The following ME3 variants were observed in gnomAD, a reference collection of about 807,000 sequenced individuals.
ME3 encodes malic enzyme 3.
Under a neutral mutation model 68.9 loss-of-function variants are expected in ME3, and 48 were observed. The observed-to-expected ratio is 0.70, with a 90% confidence interval of 0.55 to 0.89. The LOEUF (loss-of-function observed/expected upper bound fraction) is 0.89. ME3 is among the 40% of genes least tolerant of loss of function. The pLI, the probability that ME3 is intolerant of heterozygous loss-of-function variation, is 0.00. For missense variants in ME3, 675 were observed against 797.4 expected, an observed-to-expected ratio of 0.85 and a Z score of 1.85; for synonymous variants, 320 against 318.8, an observed-to-expected ratio of 1.00 and a Z score of -0.04.
At chr11:86,513,439 A>G (rs926803336) in intron 4 of ME3, among the ~76,000 whole-genome samples, 12 of 152,192 alleles carry the variant, frequency 7.9e-5, no homozygotes, top group Non-Finnish European at 1.5e-4. Flanking sequence ...CAAAGACTTT[A>G]TTTTATAAAT....
At chr11:86,442,857 G>T in exon 14 of ME3, 1 of 1,613,550 alleles carries the variant, frequency 6.2e-7, no homozygotes, top group Non-Finnish European at 8.5e-7. Context: ...CTCGGATGGT[G>T]CTGAGTGGTG....
chr11:86,540,780 C>T (rs1404606834), intron 4 of ME3, among the ~76,000 whole-genome samples: 1 of 152,182 alleles, frequency 6.6e-6, no homozygotes, highest in Non-Finnish European at 1.5e-5. Flanking sequence ...TGATCCTTTA[C>T]TCTTCCTCTA....
chr11:86,549,253 G>C lies in ME3; in HGVS notation c.467+7300C>G, dbSNP rs577019863. Among the ~76,000 whole-genome samples the C allele has an allele frequency of 3.9e-5, 6 of 152,244 alleles. No individual in the cohort carries two copies. The South Asian group carries it at 1.2e-3, about 32-fold the overall frequency. The stretch of plus-strand genomic sequence containing the variant: ...GTGTCTATTGTAAAGTTTTGACCAG[G>C]AACTGGAATGGAAAGCTGTCATGAA... On this transcript the variant is annotated intron_variant, in intron 4 of 14. Transcript: ENST00000543262.
At chr11:86,503,610 C>T (rs558449366) in intron 5 of ME3, among the ~76,000 whole-genome samples, 14 of 152,342 alleles carry the variant, frequency 9.2e-5, no homozygotes, top group African/African-American at 2.9e-4. Flanking sequence ...CTCCCTAATA[C>T]GTCTCTGAGA....
chr11:86,453,163 T>C (rs1305420790), intron 8 of ME3, among the ~76,000 whole-genome samples: 3 of 152,116 alleles, frequency 2.0e-5, no homozygotes, highest in African/African-American at 7.2e-5. Flanking sequence ...CATGCCCAGC[T>C]AATTTTTTGT....
chr11:86,555,144 A>AAGGCATGGAGAAGAAGAG, intron 4 of ME3, among the ~76,000 whole-genome samples: 1 of 152,218 alleles, frequency 6.6e-6, no homozygotes, highest in East Asian at 1.9e-4. Context: ...GAAGAACATC[A>AAGGCATGGAGAAGAAGAG]GTGTACTTGG....
At chr11:86,667,026 C>A (rs1461076955) in intron 2 of ME3, among the ~76,000 whole-genome samples, 9 of 152,204 alleles carry the variant, frequency 5.9e-5, no homozygotes, top group African/African-American at 2.2e-4. Context: ...CAGCTGAAAT[C>A]TGTGCAGTCT....
intron 4 of ME3, among the ~76,000 whole-genome samples, chr11:86,511,269 C>T (rs1269076601): frequency 1.3e-5 from 2 of 152,150 alleles, no homozygotes; most frequent in Non-Finnish European, 2.9e-5. Context: ...GAATAAAGAC[C>T]AAAGTCCTCA....
intron 7 of ME3, among the ~76,000 whole-genome samples, chr11:86,476,175 C>T (rs1422380357): frequency 5.9e-5 from 9 of 152,206 alleles, no homozygotes; most frequent in Non-Finnish European, 1.3e-4. Context: ...TTCTAACATC[C>T]TGTCTTGTAC....
chr11:86,614,298 G>T (rs140895361), intron 2 of ME3, among the ~76,000 whole-genome samples: 241 of 152,286 alleles, frequency 1.6e-3, no homozygotes, highest in African/African-American at 5.5e-3. Flanking sequence ...TTACAACACT[G>T]GAGACTGCAA....
At chr11:86,584,597 G>T (rs1958628111) in intron 2 of ME3, among the ~76,000 whole-genome samples, 1 of 152,138 alleles carries the variant, frequency 6.6e-6, no homozygotes, top group African/African-American at 2.4e-5. Context: ...ACATAAAATG[G>T]AATATTATTC....
chr11:86,523,646 C>T (rs747484044), intron 4 of ME3, among the ~76,000 whole-genome samples: 20 of 151,914 alleles, frequency 1.3e-4, no homozygotes, highest in Non-Finnish European at 2.9e-4. Flanking sequence ...ATCTGTTCTT[C>T]TTGAATAAGA....
intron 2 of ME3, among the ~76,000 whole-genome samples, chr11:86,651,054 C>A (rs371302842): frequency 6.6e-6 from 1 of 152,206 alleles, no homozygotes. Context: ...GGGAGGGGCA[C>A]CCGCCATTGC....
At chr11:86,471,141 C>CTTTTTTTTTTTTTTTTTTTTTTTTTT (rs1163128094) in intron 7 of ME3, among the ~76,000 whole-genome samples, 1 of 75,044 alleles carries the variant, frequency 1.3e-5, no homozygotes. Flanking sequence ...AGGCCCAGAG[C>CTTTTTTTTTTTTTTTTTTTTTTTTTT]TTTTTTTTTT....
chr11:86,485,176 T>C (rs12226269), intron 7 of ME3, among the ~76,000 whole-genome samples: 76,076 of 151,984 alleles, frequency 0.5, 19,385 homozygotes, highest in South Asian at 0.57. Context: ...TGTAGATACA[T>C]ACAAACAAGT....
At chr11:86,654,194 T>A (rs1945687777) in intron 2 of ME3, among the ~76,000 whole-genome samples, 1 of 152,190 alleles carries the variant, frequency 6.6e-6, no homozygotes, top group East Asian at 1.9e-4. Flanking sequence ...CCATTCCTCC[T>A]GAAACTATTC....
chr11:86,531,574 G>A (rs112277557), intron 4 of ME3, among the ~76,000 whole-genome samples: 1 of 152,062 alleles, frequency 6.6e-6, no homozygotes, highest in Admixed American at 6.6e-5. Flanking sequence ...GCACTATTCA[G>A]AATAGCAAAG....
chr11:86,441,409 G>A (rs1342610080), exon 15 of ME3: 1 of 1,606,666 alleles, frequency 6.2e-7, no homozygotes, highest in Non-Finnish European at 8.5e-7. Context: ...GTAGTAGGAA[G>A]CCAGGTTGTG....
intron 6 of ME3, 51 bp downstream of exon 6, chr11:86,497,912 C>G (rs529249561): frequency 2.6e-6 from 4 of 1,534,008 alleles, no homozygotes; most frequent in Non-Finnish European, 3.5e-6. Flanking sequence ...CTCACCCTGT[C>G]CCAGTTGCCA....
Sources: gnomAD v4.1 joint callset for allele counts (sites outside exome capture counted in the v4.1 genomes callset) on GRCh38, gnomAD v4.1.1 for gene constraint, MANE v1.5 for transcripts, NCBI Gene and HGNC (gene_info 2026-07-23, HGNC 2026-07-21) for gene names.